The following ATXN1 variants were observed in gnomAD, a reference collection of about 807,000 sequenced individuals.
ATXN1 encodes the protein ataxin 1, also known as ataxin-1.
Under a neutral mutation model 56.4 loss-of-function variants are expected in ATXN1, and 8 were observed. That is an observed-to-expected ratio of 0.14 (90% CI 0.08 to 0.26). ATXN1 has a LOEUF of 0.26. Ranked by LOEUF, ATXN1 falls within the 10% of genes least tolerant of loss-of-function variation. The probability of loss-of-function intolerance (pLI) is 1.00; values close to 1 mark genes in which losing one functional copy is unlikely to be tolerated. For synonymous variants in ATXN1, 514 were observed against 494.6 expected (o/e 1.04, Z -0.52); for missense variants, 987 against 1,106.5 (o/e 0.89, Z 1.53).
At position 16,366,867 on chromosome 6, in the gene ATXN1, G is replaced by T. The variant is rs553374507; in HGVS notation, c.-160-38397C>A. Among the ~76,000 whole-genome samples, 91 of 152,216 alleles carry T rather than the reference G, an allele frequency of 6.0e-4. 1 individual carries two copies. The highest frequency in any genetic ancestry group is 2.1e-3 in the African/African-American group (88 of 41,528). On this transcript the variant is annotated intron_variant, in intron 6 of 7. Coordinates refer to ENST00000436367, the MANE Select transcript of ATXN1 (RefSeq NM_001128164.2). ...CATGTTCACAAAAATATCCAATGGG[G>T]GTTCTGACCCAGAATATTAAAGTCC...
At chr6:16,464,854 C>G (rs967512312) in intron 6 of ATXN1, among the ~76,000 whole-genome samples, 1 of 151,438 alleles carries the variant, frequency 6.6e-6, no homozygotes, top group Non-Finnish European at 1.5e-5. Context: ...ACAGAATGTA[C>G]AACAGGAAGA....
chr6:16,689,651 G>T (rs9464935), intron 2 of ATXN1, among the ~76,000 whole-genome samples: 35,449 of 150,954 alleles, frequency 0.23, 5,109 homozygotes, highest in African/African-American at 0.41. Flanking sequence ...ATTGCATGTA[G>T]TTATGGGTTA....
At chr6:16,361,657 G>A (rs748086596) in intron 6 of ATXN1, among the ~76,000 whole-genome samples, 1 of 152,164 alleles carries the variant, frequency 6.6e-6, no homozygotes, top group Non-Finnish European at 1.5e-5. Flanking sequence ...TTAATGTTCA[G>A]TAATAAATTT....
intron 6 of ATXN1, among the ~76,000 whole-genome samples, chr6:16,431,261 A>C (rs1410160352): frequency 6.6e-6 from 1 of 152,222 alleles, no homozygotes; most frequent in Non-Finnish European, 1.5e-5. Context: ...ACTAAAAAAT[A>C]TACATCTCTT....
intron 2 of ATXN1, among the ~76,000 whole-genome samples, chr6:16,688,163 G>A (rs915618313): frequency 1.3e-5 from 2 of 152,156 alleles, no homozygotes; most frequent in Admixed American, 6.5e-5. Context: ...AAAGTAACCA[G>A]ATAGGAGACA....
intron 6 of ATXN1, among the ~76,000 whole-genome samples, chr6:16,446,021 T>A (rs1422300876): frequency 6.6e-6 from 1 of 151,994 alleles, no homozygotes; most frequent in Admixed American, 6.6e-5. Context: ...TGATTTATAG[T>A]CCTTTGGGTA....
chr6:16,346,902 C>G (rs1761410301), intron 6 of ATXN1, among the ~76,000 whole-genome samples: 1 of 152,228 alleles, frequency 6.6e-6, no homozygotes, highest in Admixed American at 6.5e-5. Flanking sequence ...GGGTGGGAAC[C>G]CGGGCTGCGC....
chr6:16,573,871 T>C (rs550597915), intron 4 of ATXN1, among the ~76,000 whole-genome samples: 59 of 152,260 alleles, frequency 3.9e-4, no homozygotes, highest in Non-Finnish European at 7.4e-4. Flanking sequence ...TTGCTTCTCA[T>C]AGGAAGCTCT....
intron 3 of ATXN1, among the ~76,000 whole-genome samples, chr6:16,601,807 T>G (rs985672402): frequency 3.3e-5 from 5 of 152,210 alleles, no homozygotes; most frequent in African/African-American, 1.2e-4. Flanking sequence ...GAGCCAAGAT[T>G]GCACCACTGC....
chr6:16,375,597 G>C (rs1394039948), intron 6 of ATXN1, among the ~76,000 whole-genome samples: 1 of 152,172 alleles, frequency 6.6e-6, no homozygotes, highest in Admixed American at 6.5e-5. Flanking sequence ...GAGAAAGGCT[G>C]GGTGGTACCC....
At chr6:16,316,949 C>T (rs1358332142) in intron 7 of ATXN1, among the ~76,000 whole-genome samples, 2 of 140,010 alleles carry the variant, frequency 1.4e-5, no homozygotes, top group Non-Finnish European at 3.0e-5. Context: ...GCAGTGCTTT[C>T]TCCAGGGTGT....
In ATXN1 at chr6:16,300,702, TTTGA is replaced by T. The variant is rs1164244352; in HGVS notation, c.*5623_*5626del. ...TTTTTTGTCCCCATAATGAGTCCTG[TTTGA>T]TTGGTAGCCTGGATCCCTTGTTACA... On this transcript the variant is annotated 3_prime_UTR_variant, in exon 8 of 8. Transcript: ENST00000436367. 3.3e-5 allele frequency: 5 copies of T among 152,540 alleles called. No homozygotes were observed. Among genetic ancestry groups the T allele is most frequent in the African/African-American group, 7.2e-5 (3 of 41,410 alleles). The allele number at this position is 152,540 out of a possible 1,614,324, so 9.4% of individuals were successfully genotyped here.
rs368002851 is a variant in ATXN1 at position 16,438,633 on chromosome 6, G to A, written c.-161+47339C>T. 6.5e-4 allele frequency among the ~76,000 whole-genome samples: 99 copies of A among 152,238 alleles called. No homozygotes were observed. The South Asian group carries it at 0.015, about 23-fold the overall frequency. On this transcript the variant is annotated intron_variant, in intron 6 of 7. Transcript: ENST00000436367. ...TTGTCTTTCTGTAGACTCAGAGCAC[G>A]TATAATCAGATAACTGGTCCACTTA...
chr6:16,595,051 G>A (rs939695715), intron 3 of ATXN1, among the ~76,000 whole-genome samples: 2 of 152,126 alleles, frequency 1.3e-5, no homozygotes, highest in South Asian at 2.1e-4. Flanking sequence ...ATGCCCTAGC[G>A]TACATGAAGT....
At chr6:16,698,831 A>G (rs1759221369) in intron 2 of ATXN1, among the ~76,000 whole-genome samples, 1 of 152,196 alleles carries the variant, frequency 6.6e-6, no homozygotes, top group Non-Finnish European at 1.5e-5. Flanking sequence ...CTGTAAAATT[A>G]GAACATTAGG....
At chr6:16,459,538 G>T (rs187445300) in intron 6 of ATXN1, among the ~76,000 whole-genome samples, 46 of 152,204 alleles carry the variant, frequency 3.0e-4, no homozygotes, top group African/African-American at 1.1e-3. Flanking sequence ...CTCTATATCC[G>T]GTTGTACCCA....
intron 2 of ATXN1, among the ~76,000 whole-genome samples, chr6:16,740,707 A>T (rs994710301): frequency 8.6e-5 from 13 of 151,786 alleles, no homozygotes; most frequent in Non-Finnish European, 1.6e-4. Flanking sequence ...TTATTTATTT[A>T]TTTTTTTTAG....
chr6:16,337,192 C>G (rs1761142722), intron 6 of ATXN1, among the ~76,000 whole-genome samples: 2 of 152,216 alleles, frequency 1.3e-5, no homozygotes, highest in Non-Finnish European at 2.9e-5. Context: ...AATGGAGGGC[C>G]AGGCTTCATC....
chr6:16,738,131 T>A (rs1760201304), intron 2 of ATXN1: 1 of 152,114 alleles, frequency 6.6e-6, no homozygotes, highest in Non-Finnish European at 1.5e-5. Flanking sequence ...ATTTCAGGAG[T>A]AATAGATGTT....
Sources: allele counts gnomAD v4.1 joint callset (sites outside exome capture counted in the v4.1 genomes callset), GRCh38; gene constraint gnomAD v4.1.1; transcripts MANE v1.5; gene names NCBI Gene and HGNC (gene_info 2026-07-23, HGNC 2026-07-21).